The following UBE2R2 variants were observed in gnomAD, a reference collection of about 807,000 sequenced individuals.
The protein encoded by UBE2R2 is ubiquitin conjugating enzyme E2 R2.
Under a neutral mutation model 27.8 loss-of-function variants are expected in UBE2R2, and 1 was observed. That is an observed-to-expected ratio of 0.04 (90% CI 0.01 to 0.17). The LOEUF (loss-of-function observed/expected upper bound fraction) is 0.17. Among genes scored for constraint, UBE2R2 ranks in the 10% least tolerant of loss-of-function variants. UBE2R2 has a pLI of 1.00. For missense variants in UBE2R2, 100 were observed against 291.0 expected (o/e 0.34, Z 4.78); for synonymous variants, 106 against 113.3 (o/e 0.94, Z 0.41).
intron 1 of UBE2R2, among the ~76,000 whole-genome samples, chr9:33,886,450 A>G (rs923405075): frequency 2.0e-5 from 3 of 152,008 alleles, no homozygotes; most frequent in Admixed American, 2.0e-4. Flanking sequence ...AGGTCAAGAG[A>G]TTGAGACCAT....
intron 1 of UBE2R2, among the ~76,000 whole-genome samples, chr9:33,877,823 G>GTCTGTCTGTCTGTCTCTCTCTCTCTCTC: frequency 2.8e-4 from 37 of 131,112 alleles, no homozygotes; most frequent in African/African-American, 1.2e-3. Flanking sequence ...CTGTCTGTCT[G>GTCTGTCTGTCTGTCTCTCTCTCTCTCTC]TCTCTCTCTC....
At chr9:33,834,913 GA>G (rs567640189) in intron 1 of UBE2R2, among the ~76,000 whole-genome samples, 99 of 118,476 alleles carry the variant, frequency 8.4e-4, no homozygotes, top group Non-Finnish European at 1.3e-3. Flanking sequence ...TCTGTCTCAG[GA>G]AAAAAAAAAA....
At position 33,918,056 on chromosome 9, in the gene UBE2R2, G is replaced by A. The variant is rs1469341769; in HGVS notation, c.*819G>A. The A allele has an allele frequency of 6.5e-6, 1 of 153,654 alleles. No homozygotes were observed. The highest frequency in any genetic ancestry group is 2.4e-5 in the African/African-American group (1 of 41,418). 9.5% of individuals were successfully genotyped at this position (153,654 alleles called of 1,614,324 possible). A position where few individuals can be genotyped will look rare whatever the true frequency, so the allele number is the denominator to read the frequency against. ...TTCCCCCCAGGGAGTGGGGCAAGCG[G>A]GGAAGTTGGGATGAGTGCGTGTGGG... On this transcript the variant is annotated 3_prime_UTR_variant, in exon 5 of 5. Transcript: ENST00000263228.
intron 1 of UBE2R2, among the ~76,000 whole-genome samples, chr9:33,828,524 G>C (rs1450324925): frequency 6.6e-6 from 1 of 151,458 alleles, no homozygotes; most frequent in Non-Finnish European, 1.5e-5. Flanking sequence ...AAGTAGCTGG[G>C]ACTACAGGCA....
chr9:33,817,033 G>C (rs562418100), upstream of UBE2R2, among the ~76,000 whole-genome samples: 31 of 148,574 alleles, frequency 2.1e-4, no homozygotes, highest in South Asian at 2.2e-3. Context: ...TAGTGGAGGA[G>C]AGCCAGGCAC....
chr9:33,818,282 C>G (rs933495230), intron 1 of UBE2R2, among the ~76,000 whole-genome samples: 14 of 150,240 alleles, frequency 9.3e-5, no homozygotes, highest in African/African-American at 3.4e-4. Flanking sequence ...TTTCGTTCTC[C>G]GGTCGGAACC....
At chr9:33,890,614 A>G (rs2130799802) in intron 2 of UBE2R2, among the ~76,000 whole-genome samples, 1 of 152,238 alleles carries the variant, frequency 6.6e-6, no homozygotes, top group African/African-American at 2.4e-5. Flanking sequence ...GTTTGAGACC[A>G]GCCTGGCCAA....
chr9:33,821,173 T>C (rs1825975534), intron 1 of UBE2R2, among the ~76,000 whole-genome samples: 1 of 152,212 alleles, frequency 6.6e-6, no homozygotes, highest in Non-Finnish European at 1.5e-5. Context: ...AAGGAACTTT[T>C]TCAGGGTCTT....
chr9:33,850,873 C>G (rs1184017274), intron 1 of UBE2R2, among the ~76,000 whole-genome samples: 2 of 152,118 alleles, frequency 1.3e-5, no homozygotes, highest in Non-Finnish European at 2.9e-5. Context: ...CTATGGTTAC[C>G]TCCAGCATAA....
intron 4 of UBE2R2, among the ~76,000 whole-genome samples, chr9:33,912,428 C>T (rs1034108925): frequency 1.3e-5 from 2 of 151,756 alleles, no homozygotes; most frequent in Non-Finnish European, 2.9e-5. Context: ...AGTTCGAGAC[C>T]GGCTGGCCAA....
At chr9:33,886,063 A>G (rs944895386) in intron 1 of UBE2R2, among the ~76,000 whole-genome samples, 4 of 152,204 alleles carry the variant, frequency 2.6e-5, no homozygotes, top group African/African-American at 4.8e-5. Flanking sequence ...AATGTTTACA[A>G]TGTGATACAG....
intron 1 of UBE2R2, among the ~76,000 whole-genome samples, chr9:33,845,999 A>ACGAG (rs1365995338): frequency 6.6e-6 from 1 of 151,950 alleles, no homozygotes; most frequent in Non-Finnish European, 1.5e-5. Flanking sequence ...GGTGGCGGGT[A>ACGAG]CCTGTAGTTC....
rs777095492 is a variant in UBE2R2, at chr9:33,817,859, C to G, written c.102C>G (p.Asp34Glu). Residue 34 changes from aspartate (D) to glutamate (E), a missense_variant, in exon 1 of 5, where the codon GAC (aspartate) becomes GAG (glutamate). By Grantham distance (45) the Asp-to-Glu change is conservative (BLOSUM62 2). This residue lies in a region of UBE2R2 where 43 missense variants were observed against 129.2 expected (regional missense o/e 0.33). Transcript: ENST00000263228. The part of the protein sequence containing the change: ...PVEGFRITLV[D>E]ESDLYNWEVA... ...AGGGCTTCCGGATCACCCTGGTGGA[C>G]GAGTCCGACCTCTACAACTGGGAGG... 1.9e-6 allele frequency: 3 copies of G among 1,611,722 alleles called. No homozygotes were observed. The highest frequency in any genetic ancestry group is 1.1e-5 in the South Asian group (1 of 91,020).
rs142775065 is a variant in UBE2R2 at position 33,870,763 on chromosome 9, A to G, written c.178-16118A>G. 3.3e-5 allele frequency among the ~76,000 whole-genome samples: 5 copies of G among 152,322 alleles called. No individual in the cohort carries two copies. The East Asian group carries it at 7.7e-4, about 23-fold the overall frequency. On this transcript the variant is annotated intron_variant, in intron 1 of 4. Transcript: ENST00000263228. The stretch of plus-strand genomic sequence containing the variant: ...TAATTTCACAACTGAGTGAAGTGAT[A>G]CAGTTAGCTCAATGGCTGACATATA...
Position 33,817,431 on chromosome 9 carries a change from C to CT in UBE2R2, c.-326dup, listed in dbSNP as rs1224236750. The CT allele has an allele frequency of 6.5e-6, 1 of 152,830 alleles. No individual in the cohort carries two copies. The highest frequency in any genetic ancestry group is 1.4e-5 in the Non-Finnish European group (1 of 69,418). The allele number at this position is 152,830 out of a possible 1,614,324, so 9.5% of individuals were successfully genotyped here. A position where few individuals can be genotyped will look rare whatever the true frequency, so the allele number is the denominator to read the frequency against. On this transcript the variant is annotated 5_prime_UTR_variant, in exon 1 of 5. Transcript: ENST00000263228. ...CCGCCTTCCTCCGCTTCCACCTCCT[C>CT]TCCCCCCCCCCAAGTTGAGGCCCCC...
At chr9:33,865,770 T>A (rs948527979) in intron 1 of UBE2R2, among the ~76,000 whole-genome samples, 6 of 152,118 alleles carry the variant, frequency 3.9e-5, no homozygotes, top group African/African-American at 1.4e-4. Flanking sequence ...TAGTGTTTTG[T>A]TTTTTGTTTT....
intron 3 of UBE2R2, among the ~76,000 whole-genome samples, chr9:33,902,509 C>T (rs575857828): frequency 1.2e-4 from 18 of 152,268 alleles, no homozygotes; most frequent in African/African-American, 3.6e-4. Flanking sequence ...TAATGTGAAG[C>T]AGTCATTTGC....
intron 3 of UBE2R2, among the ~76,000 whole-genome samples, chr9:33,908,337 C>T (rs1255576072): frequency 3.3e-5 from 5 of 152,118 alleles, no homozygotes; most frequent in African/African-American, 9.7e-5. Context: ...TCAAATGCAT[C>T]GCCATAACAA....
chr9:33,866,470 T>C (rs1821366643), intron 1 of UBE2R2, among the ~76,000 whole-genome samples: 1 of 151,932 alleles, frequency 6.6e-6, no homozygotes, highest in African/African-American at 2.4e-5. Flanking sequence ...AACTCCTGAC[T>C]TCAGGCGATC....
Sources: gnomAD v4.1 joint callset for allele counts (sites outside exome capture counted in the v4.1 genomes callset) on GRCh38, gnomAD v4.1.1 for gene constraint, gnomAD v4.1.1 regional missense constraint, MANE v1.5 for transcripts, NCBI Gene and HGNC (gene_info 2026-07-23, HGNC 2026-07-21) for gene names.